Variants in NALF1 observed in about 807,000 individuals in gnomAD.
The protein encoded by NALF1 is family with sequence similarity 155 member A.
NALF1 carries 3 observed loss-of-function variants against 48.4 expected under a neutral mutation model. The observed-to-expected ratio is 0.06, with a 90% CI of 0.03 to 0.16. The LOEUF is 0.16. Ranked by LOEUF, NALF1 falls within the 10% of genes least tolerant of loss-of-function variation. NALF1 has a pLI of 1.00. For missense variants in NALF1, 526 were observed against 571.5 expected (o/e 0.92, Z 0.81); for synonymous variants, 262 against 245.7 (o/e 1.07, Z -0.62).
chr13:107,285,821 T>C (rs1244124886), intron 1 of NALF1, among the ~76,000 whole-genome samples: 1 of 151,916 alleles, frequency 6.6e-6, no homozygotes, highest in African/African-American at 2.4e-5. Context: ...CAAAGATTCC[T>C]AGAAATAAGG....
At chr13:107,470,884 A>G (rs1885090084) in intron 1 of NALF1, among the ~76,000 whole-genome samples, 1 of 152,220 alleles carries the variant, frequency 6.6e-6, no homozygotes, top group Non-Finnish European at 1.5e-5. Flanking sequence ...TTAATAATTT[A>G]AAGGGTGACT....
At chr13:107,398,292 G>A (rs2138988932) in intron 1 of NALF1, among the ~76,000 whole-genome samples, 1 of 151,626 alleles carries the variant, frequency 6.6e-6, no homozygotes, top group African/African-American at 2.4e-5. Flanking sequence ...GTGTTACAAT[G>A]GATTCAGAAA....
At chr13:107,418,193 T>C (rs970530853) in intron 1 of NALF1, among the ~76,000 whole-genome samples, 2 of 152,202 alleles carry the variant, frequency 1.3e-5, no homozygotes, top group Non-Finnish European at 2.9e-5. Flanking sequence ...CATGTGACTG[T>C]TGTGTGCTCT....
intron 1 of NALF1, among the ~76,000 whole-genome samples, chr13:107,828,595 ATC>A (rs1879597322): frequency 2.6e-5 from 2 of 76,078 alleles, no homozygotes. Flanking sequence ...ATCTATCTAT[ATC>A]TATATCTATA....
At chr13:107,464,524 T>C (rs1317298387) in intron 1 of NALF1, among the ~76,000 whole-genome samples, 2 of 152,130 alleles carry the variant, frequency 1.3e-5, no homozygotes, top group African/African-American at 2.4e-5. Context: ...AAATTTTTTT[T>C]TTAATTTTTT....
intron 1 of NALF1, among the ~76,000 whole-genome samples, chr13:107,289,856 T>C (rs1881579034): frequency 6.6e-6 from 1 of 152,114 alleles, no homozygotes; most frequent in Non-Finnish European, 1.5e-5. Flanking sequence ...TCACATAGAA[T>C]AAATGAATGG....
intron 1 of NALF1, among the ~76,000 whole-genome samples, chr13:107,457,692 T>C (rs952627949): frequency 1.3e-5 from 2 of 152,160 alleles, no homozygotes; most frequent in Non-Finnish European, 2.9e-5. Context: ...GACAAACACA[T>C]GGAAATTAAA....
intron 1 of NALF1, among the ~76,000 whole-genome samples, chr13:107,822,382 C>T (rs1879385418): frequency 6.6e-6 from 1 of 151,648 alleles, no homozygotes. Flanking sequence ...TTTTCCACTA[C>T]TGCTTCTCAA....
At chr13:107,758,273 C>A (rs1877171576) in intron 1 of NALF1, among the ~76,000 whole-genome samples, 1 of 152,222 alleles carries the variant, frequency 6.6e-6, no homozygotes, top group African/African-American at 2.4e-5. Context: ...GCTAACTAAA[C>A]TGAAAATTTC....
chr13:107,194,559 T>C (rs139299511), intron 2 of NALF1, among the ~76,000 whole-genome samples: 3 of 152,250 alleles, frequency 2.0e-5, no homozygotes, highest in East Asian at 1.9e-4. Flanking sequence ...TCTCACCTTA[T>C]ACAAAAATCA....
chr13:107,416,003 A>ATT (rs34177988), intron 1 of NALF1, among the ~76,000 whole-genome samples: 4 of 148,690 alleles, frequency 2.7e-5, no homozygotes, highest in African/African-American at 4.9e-5. Flanking sequence ...TTATATGCAG[A>ATT]TTTTTTTTTC....
At position 107,277,740 on chromosome 13, in the gene NALF1, A is replaced by C. The variant is rs144687006; in HGVS notation, c.916-66985T>G. 2.7e-4 allele frequency among the ~76,000 whole-genome samples: 41 copies of C among 152,314 alleles called. No individual in the cohort carries two copies. The East Asian group carries it at 6.6e-3, about 24-fold the overall frequency. ...ACCATCAACCAATTTCTAGCTTTTT[A>C]ATTACTCATCTGTTATTTTACAAAG... is the stretch of plus-strand genomic sequence containing the variant. On this transcript the variant is annotated intron_variant, in intron 1 of 2. Coordinates refer to ENST00000375915, the MANE Select transcript of NALF1 (RefSeq NM_001080396.3).
chr13:107,209,893 T>A (rs540727630), intron 2 of NALF1, among the ~76,000 whole-genome samples: 46 of 152,318 alleles, frequency 3.0e-4, no homozygotes, highest in Admixed American at 2.4e-3. Flanking sequence ...CATTTAATTA[T>A]CTTTTTATTT....
chr13:107,712,650 G>A (rs995151652), intron 1 of NALF1, among the ~76,000 whole-genome samples: 3 of 152,190 alleles, frequency 2.0e-5, no homozygotes, highest in Admixed American at 6.5e-5. Context: ...TGACAGTCTC[G>A]CCAGACAGTG....
chr13:107,740,592 C>G (rs554272591), intron 1 of NALF1, among the ~76,000 whole-genome samples: 39 of 152,256 alleles, frequency 2.6e-4, no homozygotes, highest in Non-Finnish European at 3.4e-4. Context: ...ACACATGTAA[C>G]AGAAAACTAA....
chr13:107,333,853 T>G (rs898571403), intron 1 of NALF1, among the ~76,000 whole-genome samples: 1 of 152,200 alleles, frequency 6.6e-6, no homozygotes, highest in African/African-American at 2.4e-5. Flanking sequence ...TTCATTGACA[T>G]GGGTGGTATT....
intron 1 of NALF1, among the ~76,000 whole-genome samples, chr13:107,357,255 C>T (rs1325233188): frequency 6.6e-6 from 1 of 152,114 alleles, no homozygotes; most frequent in Non-Finnish European, 1.5e-5. Flanking sequence ...CAGACCTTCT[C>T]ATATGGCAGC....
intron 1 of NALF1, among the ~76,000 whole-genome samples, chr13:107,747,302 T>C (rs933029168): frequency 5.3e-5 from 8 of 152,232 alleles, no homozygotes; most frequent in African/African-American, 1.7e-4. Flanking sequence ...TCTCCATCTC[T>C]ATATTTAAAA....
intron 1 of NALF1, among the ~76,000 whole-genome samples, chr13:107,718,000 T>C (rs1875871675): frequency 6.6e-6 from 1 of 152,240 alleles, no homozygotes; most frequent in African/African-American, 2.4e-5. Context: ...CACCTGCTGT[T>C]GTTCCAGCTG....
Sources: allele counts gnomAD v4.1 joint callset (sites outside exome capture counted in the v4.1 genomes callset), GRCh38; gene constraint gnomAD v4.1.1; transcripts MANE v1.5; gene names NCBI Gene and HGNC (gene_info 2026-07-23, HGNC 2026-07-21).